The following EEFSEC variants were observed in gnomAD, a reference collection of about 807,000 sequenced individuals.
The protein encoded by EEFSEC is eukaryotic elongation factor, selenocysteine-tRNA specific, also known as selenocysteine-specific elongation factor.
EEFSEC carries 43 observed loss-of-function variants against 42.1 expected under a neutral mutation model. The observed-to-expected ratio is 1.02, with a 90% CI of 0.80 to 1.32. The LOEUF (loss-of-function observed/expected upper bound fraction) is 1.32, where lower values mean the gene tolerates loss of function less well. Ranked by LOEUF, EEFSEC falls within the 40% of genes most tolerant of loss-of-function variation. EEFSEC has a pLI of 0.00. For synonymous variants in EEFSEC, 354 were observed against 339.1 expected (o/e 1.04, Z -0.48); for missense variants, 745 against 803.6 (o/e 0.93, Z 0.88).
intron 2 of EEFSEC, among the ~76,000 whole-genome samples, chr3:128,254,221 C>T (rs1337757584): frequency 6.6e-6 from 1 of 152,170 alleles, no homozygotes; most frequent in Non-Finnish European, 1.5e-5. Flanking sequence ...TTGCTTCTGG[C>T]TGGGGAGTCA....
intron 4 of EEFSEC, among the ~76,000 whole-genome samples, chr3:128,296,276 C>G (rs1277286458): frequency 6.6e-6 from 1 of 152,130 alleles, no homozygotes; most frequent in Non-Finnish European, 1.5e-5. Context: ...GGCTTCCTGT[C>G]CCTGGTATGC....
At chr3:128,243,385 G>A (rs554192487) in intron 1 of EEFSEC, among the ~76,000 whole-genome samples, 1 of 152,366 alleles carries the variant, frequency 6.6e-6, no homozygotes, top group East Asian at 1.9e-4. Context: ...AAGAGGGCCT[G>A]ATGCGTGGAG....
intron 4 of EEFSEC, among the ~76,000 whole-genome samples, chr3:128,286,446 C>A (rs1247363038): frequency 6.6e-6 from 1 of 152,190 alleles, no homozygotes; most frequent in Non-Finnish European, 1.5e-5. Context: ...TTTATTAACT[C>A]AGTTATGTAT....
chr3:128,371,699 G>A (rs2067655769), intron 6 of EEFSEC, among the ~76,000 whole-genome samples: 1 of 152,210 alleles, frequency 6.6e-6, no homozygotes, highest in South Asian at 2.1e-4. Context: ...GAATGAGGAG[G>A]GTGATGTCCA....
At chr3:128,419,947 C>T in the EEFSEC span, among the ~76,000 whole-genome samples, 5 of 152,116 alleles carry the variant, frequency 3.3e-5, no homozygotes, top group Non-Finnish European at 4.4e-5. Flanking sequence ...CTGTGATGGC[C>T]GCAGCGGGAG....
the EEFSEC span, among the ~76,000 whole-genome samples, chr3:128,422,948 T>A: frequency 2.0e-5 from 3 of 152,234 alleles, no homozygotes; most frequent in Non-Finnish European, 4.4e-5. Flanking sequence ...CCAGAGGTCA[T>A]GTGACCAAGA....
intron 1 of EEFSEC, among the ~76,000 whole-genome samples, chr3:128,241,509 C>G (rs550217353): frequency 2.2e-4 from 34 of 152,156 alleles, no homozygotes; most frequent in African/African-American, 8.0e-4. Flanking sequence ...CCACGCTGAA[C>G]CAATTTTTGT....
intron 6 of EEFSEC, among the ~76,000 whole-genome samples, chr3:128,386,770 G>A (rs528900701): frequency 6.6e-6 from 1 of 152,138 alleles, no homozygotes; most frequent in Non-Finnish European, 1.5e-5. Flanking sequence ...AGGAGGAGGT[G>A]CCAGGCTCCT....
chr3:128,287,900 CT>C (rs1164610635), intron 4 of EEFSEC, among the ~76,000 whole-genome samples: 3 of 152,098 alleles, frequency 2.0e-5, no homozygotes, highest in African/African-American at 7.2e-5. Context: ...TCGTTATCTC[CT>C]TTTTTCCTGT....
chr3:128,281,477 A>AT (rs1272714280), intron 4 of EEFSEC, among the ~76,000 whole-genome samples: 6 of 152,230 alleles, frequency 3.9e-5, no homozygotes, highest in Non-Finnish European at 5.9e-5. Context: ...ATGCAGAGGT[A>AT]GCATGGGTAA....
At chr3:128,178,643 A>G (rs561904882) in intron 1 of EEFSEC, among the ~76,000 whole-genome samples, 3 of 152,338 alleles carry the variant, frequency 2.0e-5, no homozygotes, top group South Asian at 2.1e-4. Flanking sequence ...TGCTGTTTCA[A>G]AAATTCATAC....
At chr3:128,234,092 G>A (rs1018471020) in intron 1 of EEFSEC, among the ~76,000 whole-genome samples, 52 of 150,928 alleles carry the variant, frequency 3.4e-4, no homozygotes, top group African/African-American at 1.1e-3. Flanking sequence ...TTGCTCTGTC[G>A]CCCAGGCTGG....
chr3:128,420,775 C>A, the EEFSEC span, among the ~76,000 whole-genome samples: 1 of 152,318 alleles, frequency 6.6e-6, no homozygotes, highest in African/African-American at 2.4e-5. Context: ...GCTCCTGCCA[C>A]CCTGGCTGGG....
chr3:128,157,535 G>T (rs1240854206), intron 1 of EEFSEC, among the ~76,000 whole-genome samples: 1 of 152,212 alleles, frequency 6.6e-6, no homozygotes, highest in Non-Finnish European at 1.5e-5. Context: ...TGCAGCTGAA[G>T]CCATTGCTCA....
intron 4 of EEFSEC, among the ~76,000 whole-genome samples, chr3:128,323,015 A>G (rs2067025048): frequency 6.6e-6 from 1 of 152,220 alleles, no homozygotes; most frequent in Admixed American, 6.5e-5. Context: ...ACATGTTTAA[A>G]GTATTTCCAT....
intron 4 of EEFSEC, among the ~76,000 whole-genome samples, chr3:128,305,076 T>C (rs2066811911): frequency 1.3e-5 from 2 of 152,194 alleles, no homozygotes; most frequent in African/African-American, 4.8e-5. Context: ...TCGATCTCAT[T>C]TATCTTTTCT....
chr3:128,170,139 C>T (rs967229488), intron 1 of EEFSEC, among the ~76,000 whole-genome samples: 1 of 152,006 alleles, frequency 6.6e-6, no homozygotes, highest in Non-Finnish European at 1.5e-5. Flanking sequence ...TCACCCCCCG[C>T]CCCGCCTCCC....
chr3:128,271,590 G>A (rs1431922076), intron 4 of EEFSEC, among the ~76,000 whole-genome samples: 1 of 152,196 alleles, frequency 6.6e-6, no homozygotes, highest in East Asian at 1.9e-4. Flanking sequence ...AACCAGGAAG[G>A]TTTTGGGAAA....
intron 1 of EEFSEC, among the ~76,000 whole-genome samples, chr3:128,217,544 G>T (rs1164215412): frequency 3.9e-5 from 6 of 152,194 alleles, no homozygotes; most frequent in African/African-American, 7.2e-5. Flanking sequence ...GTGCACCTTG[G>T]CCATTGGTTT....
Sources: allele counts gnomAD v4.1 joint callset (sites outside exome capture counted in the v4.1 genomes callset), GRCh38; gene constraint gnomAD v4.1.1; transcripts MANE v1.5; gene names NCBI Gene and HGNC (gene_info 2026-07-23, HGNC 2026-07-21).